The following SH3GL2 variants were observed in gnomAD, a reference collection of about 807,000 sequenced individuals.
SH3GL2 encodes the protein endophilin-A1.
A neutral mutation model predicts 46.0 loss-of-function variants in SH3GL2; 24 were observed. That is an observed-to-expected ratio of 0.52 (90% CI 0.38 to 0.73). SH3GL2 has a LOEUF of 0.73. SH3GL2 is among the 30% of genes least tolerant of loss of function. The pLI, the probability that SH3GL2 is intolerant of heterozygous loss-of-function variation, is 0.00. For synonymous variants in SH3GL2, 196 were observed against 147.1 expected (o/e 1.33, Z -2.40); for missense variants, 413 against 424.2 (o/e 0.97, Z 0.23).
chr9:17,609,937 C>T (rs1471068330), intron 1 of SH3GL2, among the ~76,000 whole-genome samples: 3 of 152,134 alleles, frequency 2.0e-5, no homozygotes, highest in Admixed American at 6.5e-5. Context: ...CACGATTGGC[C>T]CTCTAACAGA....
At chr9:17,790,598 A>G (rs548009015) in intron 6 of SH3GL2, among the ~76,000 whole-genome samples, 2 of 152,274 alleles carry the variant, frequency 1.3e-5, no homozygotes, top group South Asian at 2.1e-4. Flanking sequence ...CCCCAAATTC[A>G]TGGGACAACA....
chr9:17,592,310 T>G (rs1019400617), intron 1 of SH3GL2, among the ~76,000 whole-genome samples: 3 of 152,214 alleles, frequency 2.0e-5, no homozygotes, highest in African/African-American at 4.8e-5. Flanking sequence ...GTCTACTGAT[T>G]CAGATGCTAA....
At chr9:17,596,403 C>T (rs1208318674) in intron 1 of SH3GL2, among the ~76,000 whole-genome samples, 1 of 151,224 alleles carries the variant, frequency 6.6e-6, no homozygotes, top group African/African-American at 2.4e-5. Flanking sequence ...ACTGTTTTTT[C>T]GTAAAGGGAA....
rs373034880 is a variant in SH3GL2 at position 17,584,758 on chromosome 9, G to A, written c.45+5471G>A. Among the ~76,000 whole-genome samples, 181 of 152,220 alleles carry A rather than the reference G, an allele frequency of 1.2e-3. 4 individuals carry two copies. In the South Asian group the frequency reaches 0.03, roughly 25 times the overall value. ...ATGTAAAACAAAATGTTGTTAATGCGCTTGAAGTCAACGATACGGGCCTGT... is the reference window on the plus strand; with the variant it reads ...ATGTAAAACAAAATGTTGTTAATGCACTTGAAGTCAACGATACGGGCCTGT... On this transcript the variant is annotated intron_variant, in intron 1 of 8. Transcript: ENST00000380607.
chr9:17,678,975 T>C (rs908649013), intron 1 of SH3GL2, among the ~76,000 whole-genome samples: 2 of 152,208 alleles, frequency 1.3e-5, no homozygotes, highest in Non-Finnish European at 2.9e-5. Context: ...GCCTCTGTTC[T>C]GTTCCATTGG....
At chr9:17,654,719 A>G (rs1820031934) in intron 1 of SH3GL2, among the ~76,000 whole-genome samples, 1 of 152,262 alleles carries the variant, frequency 6.6e-6, no homozygotes, top group African/African-American at 2.4e-5. Flanking sequence ...ACCAGTAGCT[A>G]GTGTGAACAA....
chr9:17,618,101 C>T (rs1819048363), intron 1 of SH3GL2, among the ~76,000 whole-genome samples: 1 of 151,974 alleles, frequency 6.6e-6, no homozygotes, highest in Admixed American at 6.5e-5. Flanking sequence ...TTTTTCCCTC[C>T]AGTTTGCATT....
chr9:17,742,541 A>C (rs1035039010), intron 1 of SH3GL2, among the ~76,000 whole-genome samples: 1 of 152,214 alleles, frequency 6.6e-6, no homozygotes, highest in Non-Finnish European at 1.5e-5. Flanking sequence ...ATACCATCCC[A>C]GAGTGAGGTG....
chr9:17,697,422 C>G (rs941525771), intron 1 of SH3GL2, among the ~76,000 whole-genome samples: 3 of 151,920 alleles, frequency 2.0e-5, no homozygotes, highest in Admixed American at 1.3e-4. Context: ...CAGGGTTTCA[C>G]CATGCTGGTC....
At chr9:17,677,443 C>T (rs1019198155) in intron 1 of SH3GL2, among the ~76,000 whole-genome samples, 1 of 152,108 alleles carries the variant, frequency 6.6e-6, no homozygotes, top group African/African-American at 2.4e-5. Context: ...TTATAACCTT[C>T]AACCAAGCAC....
intron 2 of SH3GL2, among the ~76,000 whole-genome samples, chr9:17,756,902 C>T (rs1159580043): frequency 1.3e-5 from 2 of 152,210 alleles, no homozygotes; most frequent in Non-Finnish European, 2.9e-5. Context: ...AATTGCCACA[C>T]TGTCTTCCAC....
chr9:17,732,930 G>T (rs1822222433), intron 1 of SH3GL2, among the ~76,000 whole-genome samples: 1 of 151,982 alleles, frequency 6.6e-6, no homozygotes, highest in South Asian at 2.1e-4. Flanking sequence ...TGGAATCAGG[G>T]GACCTGGGTT....
In SH3GL2 at chr9:17,761,438, A is replaced by G. The variant is rs1240758986; in HGVS notation, c.116A>G (p.Lys39Arg). The G allele has an allele frequency of 1.3e-6, 2 of 1,596,602 alleles. No individual in the cohort carries two copies. Among genetic ancestry groups the G allele is most frequent in the Admixed American group, 3.3e-5 (2 of 59,998 alleles). The change falls in exon 3 of 9, where the codon AAA (lysine) becomes AGA (arginine). Residue 39 changes from lysine (K) to arginine (R), a missense_variant and splice_region_variant. Around this residue, in one of 3 missense-constraint regions of SH3GL2, gnomAD observed 160 missense variants for 192.3 expected, o/e 0.83. Transcript: ENST00000380607. The stretch of plus-strand genomic sequence containing the variant: ...AGAGCACTTATTTTCTCATTTCAGA[A>G]AGTGGATGTCACCAGCAGGGCTGTG... ...LDDDFKEMER[K>R]VDVTSRAVME...
chr9:17,721,367 A>G (rs556668802), intron 1 of SH3GL2, among the ~76,000 whole-genome samples: 1 of 152,236 alleles, frequency 6.6e-6, no homozygotes, highest in Non-Finnish European at 1.5e-5. Flanking sequence ...CACCAGAGAT[A>G]GTTTTGATAT....
intron 1 of SH3GL2, among the ~76,000 whole-genome samples, chr9:17,725,398 C>G (rs1422737513): frequency 1.3e-5 from 2 of 152,122 alleles, no homozygotes; most frequent in Admixed American, 6.6e-5. Context: ...CTTATTGTTA[C>G]TGTTATCATG....
intron 1 of SH3GL2, among the ~76,000 whole-genome samples, chr9:17,608,165 T>TTTTTTA (rs1818793689): frequency 6.7e-6 from 1 of 149,630 alleles, no homozygotes; most frequent in African/African-American, 2.5e-5. Context: ...TTTTTTTTTT[T>TTTTTTA]GAGATGGAGT....
intron 1 of SH3GL2, among the ~76,000 whole-genome samples, chr9:17,722,516 T>A: frequency 6.6e-6 from 1 of 151,958 alleles, no homozygotes; most frequent in South Asian, 2.1e-4. Flanking sequence ...TTTTTTCTTA[T>A]TTTTTTATTT....
intron 1 of SH3GL2, among the ~76,000 whole-genome samples, chr9:17,703,647 A>C (rs545006745): frequency 2.0e-5 from 3 of 152,158 alleles, no homozygotes; most frequent in African/African-American, 4.8e-5. Context: ...GGTTGGTTCA[A>C]CATATGCAAA....
chr9:17,583,448 G>A (rs1221871646), intron 1 of SH3GL2, among the ~76,000 whole-genome samples: 1 of 152,136 alleles, frequency 6.6e-6, no homozygotes, highest in Non-Finnish European at 1.5e-5. Context: ...CCGTGTGAGG[G>A]TTTAGCAACA....
Sources: gnomAD v4.1 joint callset for allele counts (sites outside exome capture counted in the v4.1 genomes callset) on GRCh38, gnomAD v4.1.1 for gene constraint, gnomAD v4.1.1 regional missense constraint, MANE v1.5 for transcripts, NCBI Gene and HGNC (gene_info 2026-07-23, HGNC 2026-07-21) for gene names.